The following TAFA2 variants were observed in gnomAD, a reference collection of about 807,000 sequenced individuals.
The protein encoded by TAFA2 is TAFA chemokine like family member 2.
Under a neutral mutation model 18.8 loss-of-function variants are expected in TAFA2, and 7 were observed. The observed-to-expected ratio is 0.37, with a 90% confidence interval of 0.21 to 0.70. The LOEUF is 0.70. Ranked by LOEUF, TAFA2 falls within the 30% of genes least tolerant of loss-of-function variation. TAFA2 has a pLI of 0.53. For synonymous variants in TAFA2, 60 were observed against 54.2 expected, an observed-to-expected ratio of 1.11 and a Z score of -0.47; for missense variants, 122 against 158.1, an observed-to-expected ratio of 0.77 and a Z score of 1.23.
At chr12:62,042,293 A>G (rs373408600) in intron 1 of TAFA2, among the ~76,000 whole-genome samples, 130 of 152,140 alleles carry the variant, frequency 8.5e-4, no homozygotes, top group East Asian at 3.5e-3. Flanking sequence ...CTAGGCCACA[A>G]TTAGGTTCAA....
intron 1 of TAFA2, among the ~76,000 whole-genome samples, chr12:62,049,100 C>T (rs1386856905): frequency 1.3e-5 from 2 of 152,094 alleles, no homozygotes; most frequent in Non-Finnish European, 2.9e-5. Context: ...TGGAGTACAA[C>T]CTCCAGTGGA....
intron 1 of TAFA2, among the ~76,000 whole-genome samples, chr12:62,163,849 C>A (rs1474794126): frequency 6.6e-6 from 1 of 152,066 alleles, no homozygotes; most frequent in Non-Finnish European, 1.5e-5. Flanking sequence ...CAATAACCAT[C>A]TGTATTAACG....
intron 1 of TAFA2, among the ~76,000 whole-genome samples, chr12:62,050,637 A>T (rs1386420381): frequency 6.6e-6 from 1 of 152,130 alleles, no homozygotes; most frequent in Non-Finnish European, 1.5e-5. Context: ...AAATGGTCAT[A>T]TCTATACTTA....
At position 62,137,822 on chromosome 12, in the gene TAFA2, C is replaced by G. The variant is rs73125857; in HGVS notation, c.-2+53437G>C. ...ACAAAAGTTAGATCACAGCATCGCT[C>G]CTGTATTCAAACCCTGCAATGGCTC... On this transcript the variant is annotated intron_variant, in intron 1 of 4. Transcript: ENST00000416284. Among the ~76,000 whole-genome samples the G allele has an allele frequency of 9.5e-3, 1,452 of 152,202 alleles. 22 individuals are homozygous for G. Among genetic ancestry groups the G allele is most frequent in the African/African-American group, 0.034 (1,405 of 41,540 alleles).
intron 1 of TAFA2, among the ~76,000 whole-genome samples, chr12:62,101,289 C>T (rs1433705886): frequency 6.6e-6 from 1 of 152,128 alleles, no homozygotes; most frequent in Non-Finnish European, 1.5e-5. Context: ...CAATACAGTG[C>T]CATGGCTGAC....
intron 4 of TAFA2, among the ~76,000 whole-genome samples, chr12:61,747,258 C>T (rs1036442286): frequency 5.4e-5 from 8 of 147,886 alleles, no homozygotes; most frequent in Non-Finnish European, 1.0e-4. Flanking sequence ...CACTTTTACA[C>T]TGTTGGTGGG....
intron 1 of TAFA2, among the ~76,000 whole-genome samples, chr12:62,077,677 C>G (rs11174296): frequency 0.25 from 37,778 of 152,048 alleles, 4,970 homozygotes; most frequent in East Asian, 0.47. Flanking sequence ...TTCTCTTCTG[C>G]ACTCTCTAAA....
At chr12:62,102,456 C>T (rs1869251794) in intron 1 of TAFA2, among the ~76,000 whole-genome samples, 2 of 152,146 alleles carry the variant, frequency 1.3e-5, no homozygotes, top group South Asian at 4.1e-4. Flanking sequence ...AGATTACTCC[C>T]CCCAGTGTGT....
At chr12:61,726,521 T>C (rs1592347458) in intron 4 of TAFA2, among the ~76,000 whole-genome samples, 1 of 152,096 alleles carries the variant, frequency 6.6e-6, no homozygotes, top group Non-Finnish European at 1.5e-5. Flanking sequence ...AAGTTCTTGA[T>C]TGGATTCTCA....
intron 2 of TAFA2, among the ~76,000 whole-genome samples, chr12:61,855,365 T>A (rs1490417600): frequency 1.3e-5 from 2 of 152,184 alleles, no homozygotes; most frequent in African/African-American, 4.8e-5. Context: ...CAACCTGTAC[T>A]AGGCTACTAC....
chr12:61,830,068 A>G (rs1326306589), intron 2 of TAFA2, among the ~76,000 whole-genome samples: 1 of 151,624 alleles, frequency 6.6e-6, no homozygotes, highest in Non-Finnish European at 1.5e-5. Flanking sequence ...TATATTTATC[A>G]CAGCACTACT....
chr12:62,171,270 T>A (rs2062476329), intron 1 of TAFA2, among the ~76,000 whole-genome samples: 2 of 152,046 alleles, frequency 1.3e-5, no homozygotes, highest in Non-Finnish European at 2.9e-5. Context: ...AATAAGCAAA[T>A]CCTCCATGCA....
chr12:62,188,796 T>G (rs1267201851), intron 1 of TAFA2, among the ~76,000 whole-genome samples: 1 of 152,182 alleles, frequency 6.6e-6, no homozygotes, highest in Non-Finnish European at 1.5e-5. Flanking sequence ...ATTTTATAAA[T>G]TTTTAAATAG....
At chr12:61,725,542 TC>T (rs1210463256) in intron 4 of TAFA2, among the ~76,000 whole-genome samples, 1 of 150,366 alleles carries the variant, frequency 6.7e-6, no homozygotes, top group Non-Finnish European at 1.5e-5. Flanking sequence ...GAATAGGGTG[TC>T]CTTTCCCCAC....
intron 1 of TAFA2, among the ~76,000 whole-genome samples, chr12:62,177,677 A>G (rs759491539): frequency 1.3e-5 from 2 of 152,188 alleles, no homozygotes; most frequent in African/African-American, 4.8e-5. Flanking sequence ...TAAACCAATT[A>G]TCTTCATCTA....
chr12:61,879,379 G>T, intron 1 of TAFA2: 1 of 751,244 alleles, frequency 1.3e-6, no homozygotes. Context: ...CGGGCCTTCA[G>T]CAGCCGCTTC....
At position 61,711,207 on chromosome 12, in the gene TAFA2, C is replaced by T. The variant is rs117522276; in HGVS notation, c.385-790G>A. On this transcript the variant is annotated intron_variant, in intron 4 of 4. Transcript: ENST00000416284. ...TGATACATATATACATACATATCTA[C>T]GTATGCATAGATACAGAGGAAAACA... Among the ~76,000 whole-genome samples the T allele has an allele frequency of 3.4e-4, 51 of 150,906 alleles. No homozygotes were observed. The East Asian group carries it at 8.2e-3, about 24-fold the overall frequency.
At chr12:61,760,532 G>A (rs2120788099) in intron 2 of TAFA2, among the ~76,000 whole-genome samples, 1 of 151,676 alleles carries the variant, frequency 6.6e-6, no homozygotes, top group East Asian at 2.0e-4. Flanking sequence ...CCAAATTCTT[G>A]TAGACAAAGA....
At chr12:61,922,524 G>A (rs1163603448) in intron 1 of TAFA2, among the ~76,000 whole-genome samples, 1 of 152,204 alleles carries the variant, frequency 6.6e-6, no homozygotes, top group Non-Finnish European at 1.5e-5. Context: ...CTAGCCAAGG[G>A]AAACAGTGAA....
Sources: gnomAD v4.1 joint callset for allele counts (sites outside exome capture counted in the v4.1 genomes callset) on GRCh38, gnomAD v4.1.1 for gene constraint, MANE v1.5 for transcripts, NCBI Gene and HGNC (gene_info 2026-07-23, HGNC 2026-07-21) for gene names.